Variants in KLHL28 observed in about 807,000 individuals in gnomAD.
The protein encoded by KLHL28 is kelch like family member 28, also known as kelch-like protein 28.
In KLHL28, 22 loss-of-function variants were observed where a neutral mutation model predicts 48.3. The observed-to-expected ratio is 0.46, with a 90% confidence interval of 0.33 to 0.65. KLHL28 has a LOEUF of 0.65. KLHL28 is among the 30% of genes least tolerant of loss of function. KLHL28 has a pLI of 0.03. For synonymous variants in KLHL28, 243 were observed against 242.4 expected (o/e 1.00, Z -0.02); for missense variants, 527 against 704.3 (o/e 0.75, Z 2.85).
At position 44,945,911 on chromosome 14, in the gene KLHL28, C is replaced by T. The variant is rs534416217; in HGVS notation, c.18G>A (p.Pro6=). Residue 6 remains proline (P), a synonymous_variant, in exon 2 of 5, where the codon CCG becomes CCA. Transcript: ENST00000396128. ...GGGTTAAGTTAGCAAGCATGTAGGT[C>T]GGGGATGTGTGGTCCATCTACAGAA... MDHTS[P]TYMLANLTHL... is the part of the protein sequence containing the mutation. 23 of 1,612,436 alleles carry T rather than the reference C, an allele frequency of 1.4e-5. No homozygotes were observed. In the African/African-American group the frequency reaches 1.7e-4, roughly 12 times the overall value.
chr14:44,929,260 T>C, intron 4 of KLHL28, 69 bp from the exon 5 acceptor site: 1 of 1,297,480 alleles, frequency 7.7e-7, no homozygotes, highest in South Asian at 1.5e-5. Context: ...TCACTAAAAA[T>C]AAATTTGTAT....
rs550912660 is a variant in KLHL28, at chr14:44,937,641, GT to G, written c.900-3084del. The stretch of plus-strand genomic sequence containing the variant: ...TTAGTCCTTATGGTCTTTTGATGGT[GT>G]CTTAGTTCATTTTCTGCCGATATAA... On this transcript the variant is annotated intron_variant, in intron 2 of 4. Transcript: ENST00000396128. Among the ~76,000 whole-genome samples the G allele has an allele frequency of 2.7e-4, 41 of 152,238 alleles. No homozygotes were observed. The East Asian group carries it at 7.5e-3, about 28-fold the overall frequency.
Position 44,929,154 on chromosome 14 carries a change from GA to G in KLHL28, c.1589del (p.Val530AlafsTer11). 6.2e-7 allele frequency: 1 copy of G among 1,612,210 alleles called. No individual in the cohort carries two copies. The highest frequency in any genetic ancestry group is 8.5e-7 in the Non-Finnish European group (1 of 1,178,952). On this transcript the variant is annotated frameshift_variant, in exon 5 of 5. Transcript: ENST00000396128. LOFTEE classifies it high-confidence loss of function. Reference sequence around the variant, plus strand: ...AGGAAGACCCTGAGTGACCACCGACGACATAAAGGTAGTTATCGATTACAGC... The same window carrying G: ...AGGAAGACCCTGAGTGACCACCGACGCATAAAGGTAGTTATCGATTACAGC... ...GAAVIDNYLY[V>X]VGGHSGSSYL...
chr14:44,928,962 TG>T lies in KLHL28; in HGVS notation c.*65del. The stretch of plus-strand genomic sequence containing the variant: ...ATGCAGCTTGTGGGTTTCAGAAAAC[TG>T]GGCCATCCGGATGTTCATGCAGTAC... On this transcript the variant is annotated 3_prime_UTR_variant, in exon 5 of 5. Transcript: ENST00000396128. The T allele has an allele frequency of 6.9e-7, 1 of 1,451,356 alleles. No homozygotes were observed. Among genetic ancestry groups the T allele is most frequent in the Non-Finnish European group, 9.5e-7 (1 of 1,055,182 alleles). 89.9% of individuals were successfully genotyped at this position (1,451,356 alleles called of 1,614,324 possible). A position where few individuals can be genotyped will look rare whatever the true frequency, so the allele number is the denominator to read the frequency against.
intron 1 of KLHL28, among the ~76,000 whole-genome samples, chr14:44,946,650 A>G (rs1884349467): frequency 6.8e-6 from 1 of 147,594 alleles, no homozygotes; most frequent in Admixed American, 7.0e-5. Context: ...TCTGCCTCCT[A>G]GCTACAAATG....
chr14:44,934,605 C>T, intron 2 of KLHL28, 47 bp from the exon 3 acceptor site: 1 of 1,372,726 alleles, frequency 7.3e-7, no homozygotes, highest in Non-Finnish European at 9.9e-7. Flanking sequence ...CCAAAGTGGC[C>T]CATAAAGACA....
At chr14:44,947,923 G>T (rs1484964458) in intron 1 of KLHL28, among the ~76,000 whole-genome samples, 2 of 152,114 alleles carry the variant, frequency 1.3e-5, no homozygotes, top group Non-Finnish European at 2.9e-5. Context: ...AAGCTTCTGG[G>T]TCTTCCAGTA....
At chr14:44,950,408 T>C (rs923280144) in intron 1 of KLHL28, among the ~76,000 whole-genome samples, 2 of 152,140 alleles carry the variant, frequency 1.3e-5, no homozygotes, top group Non-Finnish European at 2.9e-5. Flanking sequence ...TTAATATAAT[T>C]AGGAATCACA....
chr14:44,945,326 T>A lies in KLHL28; in HGVS notation c.603A>T (p.Ala201=), dbSNP rs749070139. ...CATCATACTTGATCCAAGACTCTAA[T>A]GCATAAAAAACAGTCTCTTCGGTAG... ...NVATEETVFY[A]LESWIKYDVQ... Residue 201 remains alanine, a synonymous_variant, in exon 2 of 5, where the codon GCA becomes GCT. Transcript: ENST00000396128. The A allele has an allele frequency of 1.9e-6, 3 of 1,614,054 alleles. No homozygotes were observed. Among genetic ancestry groups the A allele is most frequent in the South Asian group, 2.2e-5 (2 of 91,088 alleles).
At chr14:44,938,168 A>T (rs895326116) in intron 2 of KLHL28, among the ~76,000 whole-genome samples, 7 of 152,174 alleles carry the variant, frequency 4.6e-5, no homozygotes, top group African/African-American at 7.2e-5. Flanking sequence ...TCTAAATCAT[A>T]TATAAGCGAG....
intron 2 of KLHL28, among the ~76,000 whole-genome samples, chr14:44,941,875 C>T (rs1255309842): frequency 6.6e-6 from 1 of 152,108 alleles, no homozygotes; most frequent in Non-Finnish European, 1.5e-5. Context: ...ATTAATGTTT[C>T]CCAGATTTTC....
In KLHL28 at chr14:44,929,172, G is replaced by A. The variant is rs752138844; in HGVS notation, c.1572C>T (p.Ile524=). Residue 524 remains isoleucine, a synonymous_variant, in exon 5 of 5, where the codon ATC becomes ATT. Coordinates refer to ENST00000396128, the MANE Select transcript of KLHL28 (RefSeq NM_017658.5). ...EPRTGVGAAV[I]DNYLYVVGGH... is the part of the protein sequence containing the mutation. ...CACCGACGACATAAAGGTAGTTATCGATTACAGCAGCACCAACTCCTAGGA... is the reference window on the plus strand; with the variant it reads ...CACCGACGACATAAAGGTAGTTATCAATTACAGCAGCACCAACTCCTAGGA... 12 of 1,608,774 alleles carry A rather than the reference G, an allele frequency of 7.5e-6. No individual in the cohort carries two copies. The highest frequency in any genetic ancestry group is 2.2e-5 in the South Asian group (2 of 90,582).
At chr14:44,951,984 A>G (rs1884603718) in intron 1 of KLHL28, among the ~76,000 whole-genome samples, 1 of 152,012 alleles carries the variant, frequency 6.6e-6, no homozygotes, top group Non-Finnish European at 1.5e-5. Context: ...TCAGCCTCCC[A>G]AGTAGCTGGG....
chr14:44,947,203 G>A (rs1241124682), intron 1 of KLHL28, among the ~76,000 whole-genome samples: 1 of 152,160 alleles, frequency 6.6e-6, no homozygotes, highest in African/African-American at 2.4e-5. Context: ...GACAGAAGAG[G>A]AGGTCATGTG....
chr14:44,953,861 A>G (rs1212746383), intron 1 of KLHL28, among the ~76,000 whole-genome samples: 2 of 152,224 alleles, frequency 1.3e-5, no homozygotes, highest in East Asian at 1.9e-4. Context: ...AAAATAGGTA[A>G]AACTGATTAC....
At chr14:44,937,995 A>G (rs1170227423) in intron 2 of KLHL28, among the ~76,000 whole-genome samples, 1 of 152,238 alleles carries the variant, frequency 6.6e-6, no homozygotes, top group Non-Finnish European at 1.5e-5. Context: ...TTACATTTCC[A>G]ACATATGAAC....
intron 4 of KLHL28, 123 bp from the exon 5 acceptor site, chr14:44,929,314 T>C (rs1883487881): frequency 1.1e-6 from 1 of 904,730 alleles, no homozygotes; most frequent in Non-Finnish European, 1.6e-6. Flanking sequence ...TATTATTAAT[T>C]ATACAGGCAA....
intron 1 of KLHL28, among the ~76,000 whole-genome samples, chr14:44,950,642 A>G (rs1450813875): frequency 2.0e-5 from 3 of 152,216 alleles, no homozygotes; most frequent in African/African-American, 4.8e-5. Flanking sequence ...CCGGGTTACA[A>G]TACAATGGTC....
chr14:44,925,401 G>C lies in KLHL28; in HGVS notation c.*3627C>G, dbSNP rs2138566175. On this transcript the variant is annotated 3_prime_UTR_variant, in exon 5 of 5. Transcript: ENST00000396128. ...TAGAAAATACATTATCCAATTCTAG[G>C]AGATTTGGAGTTCTATAAATATTAG... 6.6e-6 allele frequency: 1 copy of C among 152,140 alleles called. No individual in the cohort carries two copies. Among genetic ancestry groups the C allele is most frequent in the Middle Eastern group, 3.4e-3 (1 of 294 alleles). The allele number at this position is 152,140 out of a possible 1,614,324, so 9.4% of individuals were successfully genotyped here. A position where few individuals can be genotyped will look rare whatever the true frequency, so the allele number is the denominator to read the frequency against.
Sources: allele counts gnomAD v4.1 joint callset (sites outside exome capture counted in the v4.1 genomes callset), GRCh38; gene constraint gnomAD v4.1.1; transcripts MANE v1.5; gene names NCBI Gene and HGNC (gene_info 2026-07-23, HGNC 2026-07-21).